The following PCSK2 variants were observed in gnomAD, a reference collection of about 807,000 sequenced individuals.
PCSK2 encodes proprotein convertase subtilisin/kexin type 2.
PCSK2 carries 14 observed loss-of-function variants against 69.7 expected under a neutral mutation model. That is an observed-to-expected ratio of 0.20 (90% CI 0.13 to 0.31). PCSK2 has a LOEUF of 0.31. PCSK2 is among the 10% of genes least tolerant of loss of function. The pLI is 1.00. For synonymous variants in PCSK2, 307 were observed against 320.7 expected (o/e 0.96, Z 0.46); for missense variants, 544 against 842.5 (o/e 0.65, Z 4.39).
chr20:17,440,623 G>A (rs1171157803), intron 8 of PCSK2, among the ~76,000 whole-genome samples: 1 of 152,182 alleles, frequency 6.6e-6, no homozygotes, highest in Non-Finnish European at 1.5e-5. Flanking sequence ...CACTTTGGGG[G>A]GCTAAGGCGG....
At chr20:17,472,569 C>T (rs1376632306) in intron 11 of PCSK2, among the ~76,000 whole-genome samples, 1 of 151,944 alleles carries the variant, frequency 6.6e-6, no homozygotes, top group African/African-American at 2.4e-5. Flanking sequence ...AGCCTTATAA[C>T]TTTTTCTTTT....
intron 2 of PCSK2, among the ~76,000 whole-genome samples, chr20:17,321,726 G>A (rs537090912): frequency 1.5e-4 from 23 of 152,220 alleles, no homozygotes; most frequent in Admixed American, 8.5e-4. Context: ...ATCTTCAGCA[G>A]AATTGTATTA....
At chr20:17,239,000 C>A (rs1330495461) in intron 1 of PCSK2, among the ~76,000 whole-genome samples, 1 of 152,172 alleles carries the variant, frequency 6.6e-6, no homozygotes, top group Non-Finnish European at 1.5e-5. Flanking sequence ...CAGCCGATGT[C>A]TCATGAGATG....
At chr20:17,293,162 G>C (rs929795547) in intron 2 of PCSK2, among the ~76,000 whole-genome samples, 37 of 152,196 alleles carry the variant, frequency 2.4e-4, no homozygotes, top group Non-Finnish European at 3.1e-4. Flanking sequence ...CTAATACATA[G>C]AAAAGCTATG....
chr20:17,288,969 C>T (rs1052888491), intron 2 of PCSK2, among the ~76,000 whole-genome samples: 2 of 152,136 alleles, frequency 1.3e-5, no homozygotes, highest in Admixed American at 6.5e-5. Context: ...AGGAAAGCTG[C>T]GTTCTTGTGC....
At chr20:17,255,148 CT>C (rs1284007156) in intron 1 of PCSK2, among the ~76,000 whole-genome samples, 1 of 152,116 alleles carries the variant, frequency 6.6e-6, no homozygotes, top group African/African-American at 2.4e-5. Flanking sequence ...ATCTTGATGC[CT>C]TTATTTCTTT....
chr20:17,254,497 A>G (rs1170521642), intron 1 of PCSK2, among the ~76,000 whole-genome samples: 2 of 152,218 alleles, frequency 1.3e-5, no homozygotes, highest in African/African-American at 4.8e-5. Flanking sequence ...GTTGAAAATC[A>G]ATTGACCATA....
At chr20:17,423,194 A>AGGGAGAC (rs2032170176) in intron 6 of PCSK2, among the ~76,000 whole-genome samples, 1 of 152,160 alleles carries the variant, frequency 6.6e-6, no homozygotes, top group Non-Finnish European at 1.5e-5. Flanking sequence ...TATATGTTTT[A>AGGGAGAC]GGGAGACATA....
chr20:17,341,122 C>T (rs1239491351), intron 2 of PCSK2, among the ~76,000 whole-genome samples: 1 of 152,132 alleles, frequency 6.6e-6, no homozygotes, highest in Non-Finnish European at 1.5e-5. Context: ...TGCCTGTAAT[C>T]CCAGCAACTT....
intron 2 of PCSK2, among the ~76,000 whole-genome samples, chr20:17,304,059 T>C (rs933593082): frequency 1.3e-5 from 2 of 151,264 alleles, no homozygotes; most frequent in Non-Finnish European, 2.9e-5. Context: ...CAACTGGGAG[T>C]CTTTTGGGAA....
chr20:17,274,378 G>A (rs1987978583), intron 2 of PCSK2, among the ~76,000 whole-genome samples: 1 of 152,154 alleles, frequency 6.6e-6, no homozygotes, highest in Non-Finnish European at 1.5e-5. Context: ...TCCATAGGTA[G>A]AGTCTATTTA....
At chr20:17,408,193 G>A (rs1416852440) in intron 5 of PCSK2, among the ~76,000 whole-genome samples, 2 of 152,084 alleles carry the variant, frequency 1.3e-5, no homozygotes, top group Non-Finnish European at 2.9e-5. Flanking sequence ...GAACCAAGAA[G>A]CCATCTGGGG....
At chr20:17,273,428 T>C (rs1412190892) in intron 2 of PCSK2, among the ~76,000 whole-genome samples, 2 of 152,162 alleles carry the variant, frequency 1.3e-5, no homozygotes, top group Non-Finnish European at 2.9e-5. Context: ...AAAGTGCAAA[T>C]GTCTGCCAAT....
rs144617381 is a variant in PCSK2 at position 17,388,903 on chromosome 20, G to A, written c.543+19626G>A. Among the ~76,000 whole-genome samples, 286 of 152,222 alleles carry A rather than the reference G, an allele frequency of 1.9e-3. 1 individual carries two copies. Among genetic ancestry groups the A allele is most frequent in the African/African-American group, 6.2e-3 (258 of 41,566 alleles). On this transcript the variant is annotated intron_variant, in intron 5 of 11. Transcript: ENST00000262545. ...CACTGATGTTCAGTCTCAAGCAGGG[G>A]CCTGTATCTACTCTGGGGCTCATTA...
intron 2 of PCSK2, among the ~76,000 whole-genome samples, chr20:17,298,709 C>T (rs1038500470): frequency 6.6e-6 from 1 of 151,230 alleles, no homozygotes; most frequent in African/African-American, 2.4e-5. Context: ...ATTTTTTTTT[C>T]AAGTAGACTC....
At chr20:17,405,786 C>T (rs1476886708) in intron 5 of PCSK2, among the ~76,000 whole-genome samples, 1 of 151,888 alleles carries the variant, frequency 6.6e-6, no homozygotes, top group Non-Finnish European at 1.5e-5. Flanking sequence ...GGTTTTTTTC[C>T]CCTGTGCATT....
chr20:17,279,623 T>C (rs2123042386), intron 2 of PCSK2, among the ~76,000 whole-genome samples: 1 of 152,106 alleles, frequency 6.6e-6, no homozygotes, highest in African/African-American at 2.4e-5. Context: ...CTGACCAACA[T>C]GGAGAAACCC....
intron 2 of PCSK2, among the ~76,000 whole-genome samples, chr20:17,264,176 C>T (rs1459723896): frequency 6.6e-6 from 1 of 152,130 alleles, no homozygotes; most frequent in Non-Finnish European, 1.5e-5. Flanking sequence ...ATTTTAAAAA[C>T]ATGAAGGACT....
At chr20:17,282,339 A>G (rs1333344968) in intron 2 of PCSK2, among the ~76,000 whole-genome samples, 1 of 152,136 alleles carries the variant, frequency 6.6e-6, no homozygotes, top group Non-Finnish European at 1.5e-5. Flanking sequence ...AAAGGGTTCA[A>G]AGAAGGGAGA....
Sources: allele counts gnomAD v4.1 joint callset (sites outside exome capture counted in the v4.1 genomes callset), GRCh38; gene constraint gnomAD v4.1.1; transcripts MANE v1.5; gene names NCBI Gene and HGNC (gene_info 2026-07-23, HGNC 2026-07-21).